PRLR: variants seen among roughly 807,000 people sequenced by gnomAD.
PRLR encodes hPRL receptor.
In PRLR, 13 loss-of-function variants were observed where a neutral mutation model predicts 40.2. That is an observed-to-expected ratio of 0.32 (90% CI 0.21 to 0.51). The LOEUF (loss-of-function observed/expected upper bound fraction) is 0.51, where lower values mean the gene tolerates loss of function less well. Ranked by LOEUF, PRLR falls within the 20% of genes least tolerant of loss-of-function variation. PRLR has a pLI of 0.97. For missense variants in PRLR, 656 were observed against 747.3 expected (o/e 0.88, Z 1.42); for synonymous variants, 269 against 278.7 (o/e 0.97, Z 0.35).
chr5:35,158,555 T>A (rs1774577253), intron 1 of PRLR, among the ~76,000 whole-genome samples: 1 of 152,120 alleles, frequency 6.6e-6, no homozygotes, highest in African/African-American at 2.4e-5. Flanking sequence ...ATGATTCGAG[T>A]GGGACTGTTA....
At position 35,102,806 on chromosome 5, in the gene PRLR, G is replaced by A. The variant is rs187204531; in HGVS notation, c.-43-13143C>T. On this transcript the variant is annotated intron_variant, in intron 2 of 9. Transcript: ENST00000618457. ...GATCCACCTGCCTCGGCCTCCCAAA[G>A]TGCTGGGATTACAGGCGTGAGCTGC... Among the ~76,000 whole-genome samples the A allele has an allele frequency of 7.2e-4, 110 of 152,250 alleles. No individual in the cohort carries two copies. In the Middle Eastern group the frequency reaches 0.01, roughly 14 times the overall value.
intron 5 of PRLR, among the ~76,000 whole-genome samples, chr5:35,074,516 TATATATATATGAAA>T (rs1769947446): frequency 6.7e-6 from 1 of 148,506 alleles, no homozygotes; most frequent in Admixed American, 6.7e-5. Flanking sequence ...TATATATATA[TATATATATATGAAA>T]TATCCAGACG....
chr5:35,150,114 C>A (rs996298864), intron 1 of PRLR, among the ~76,000 whole-genome samples: 1 of 152,156 alleles, frequency 6.6e-6, no homozygotes, highest in African/African-American at 2.4e-5. Context: ...GAACTCCCAA[C>A]CTCAGGTGAT....
intron 1 of PRLR, among the ~76,000 whole-genome samples, chr5:35,229,796 G>A (rs1776649771): frequency 6.6e-6 from 1 of 152,106 alleles, no homozygotes; most frequent in Non-Finnish European, 1.5e-5. Flanking sequence ...TGATGGGAGA[G>A]TCTCGAGTCC....
intron 7 of PRLR, among the ~76,000 whole-genome samples, chr5:35,069,157 T>A (rs1277568049): frequency 6.6e-6 from 1 of 152,226 alleles, no homozygotes; most frequent in East Asian, 1.9e-4. Context: ...CAAGGTCACA[T>A]GGTCGTTTGC....
intron 5 of PRLR, among the ~76,000 whole-genome samples, chr5:35,077,428 A>G (rs527294808): frequency 6.6e-6 from 1 of 152,338 alleles, no homozygotes; most frequent in East Asian, 1.9e-4. Context: ...AACAGACTTG[A>G]AACCAACAAA....
intron 1 of PRLR, among the ~76,000 whole-genome samples, chr5:35,132,041 A>G (rs1010581298): frequency 6.6e-6 from 1 of 152,186 alleles, no homozygotes; most frequent in East Asian, 1.9e-4. Context: ...GGAGGTAGTC[A>G]TAGTACCTCA....
chr5:35,220,535 T>C (rs2111672140), intron 1 of PRLR, among the ~76,000 whole-genome samples: 1 of 152,352 alleles, frequency 6.6e-6, no homozygotes, highest in East Asian at 1.9e-4. Context: ...TAGTACTGAC[T>C]AATTTATTGG....
At chr5:35,121,431 A>C (rs1042166472) in intron 1 of PRLR, among the ~76,000 whole-genome samples, 2 of 152,188 alleles carry the variant, frequency 1.3e-5, no homozygotes, top group Admixed American at 1.3e-4. Context: ...TAGTGCTTTA[A>C]ATATGGTGGG....
At chr5:35,122,414 C>A (rs1261603148) in intron 1 of PRLR, among the ~76,000 whole-genome samples, 1 of 152,152 alleles carries the variant, frequency 6.6e-6, no homozygotes, top group Non-Finnish European at 1.5e-5. Flanking sequence ...CTGATAGGCC[C>A]CAATATGTGT....
chr5:35,142,695 G>A (rs767429146), intron 1 of PRLR, among the ~76,000 whole-genome samples: 8 of 152,204 alleles, frequency 5.3e-5, no homozygotes, highest in Non-Finnish European at 7.3e-5. Context: ...GATGGTGCAC[G>A]ATGCTTCTTC....
intron 2 of PRLR, among the ~76,000 whole-genome samples, chr5:35,090,352 G>C (rs1771120470): frequency 6.6e-6 from 1 of 152,066 alleles, no homozygotes; most frequent in Non-Finnish European, 1.5e-5. Context: ...TGCAGGGGTT[G>C]GGAGTTTGGA....
chr5:35,185,378 T>C (rs1344267712), intron 1 of PRLR, among the ~76,000 whole-genome samples: 1 of 152,060 alleles, frequency 6.6e-6, no homozygotes, highest in African/African-American at 2.4e-5. Flanking sequence ...ATGCTTTTAT[T>C]CTCCCCAAAC....
At chr5:35,151,721 A>G (rs1056567202) in intron 1 of PRLR, among the ~76,000 whole-genome samples, 36 of 152,230 alleles carry the variant, frequency 2.4e-4, no homozygotes, top group Non-Finnish European at 5.9e-5. Context: ...AAGAGCCCCA[A>G]CTAATCTGAG....
chr5:35,165,469 A>C (rs1774795947), intron 1 of PRLR, among the ~76,000 whole-genome samples: 1 of 152,198 alleles, frequency 6.6e-6, no homozygotes, highest in South Asian at 2.1e-4. Flanking sequence ...TCTTTTACAC[A>C]AAGGTTCTTT....
chr5:35,107,480 C>G (rs897959747), intron 2 of PRLR, among the ~76,000 whole-genome samples: 5 of 151,342 alleles, frequency 3.3e-5, no homozygotes, highest in African/African-American at 7.3e-5. Flanking sequence ...AGACCACTAG[C>G]AAGACTAATA....
rs555647216 is a variant in PRLR at position 35,185,748 on chromosome 5, G to A, written c.-106+44520C>T. ...ACAGGTGGAGGCCTACTAGGAAATA[G>A]AGCAGGTTTCACCAGCCTTGACTAG... On this transcript the variant is annotated intron_variant, in intron 1 of 9. Transcript: ENST00000618457. Among the ~76,000 whole-genome samples, 64 of 152,330 alleles carry A rather than the reference G, an allele frequency of 4.2e-4. 2 individuals are homozygous for A. Among genetic ancestry groups the A allele is most frequent in the African/African-American group, 1.4e-3 (60 of 41,578 alleles).
At chr5:35,123,364 C>A (rs996377415) in intron 1 of PRLR, among the ~76,000 whole-genome samples, 3 of 152,178 alleles carry the variant, frequency 2.0e-5, no homozygotes, top group African/African-American at 7.2e-5. Context: ...GAGAACCAAG[C>A]TTCTTAATAG....
At chr5:35,076,677 T>C (rs1770119965) in intron 5 of PRLR, among the ~76,000 whole-genome samples, 1 of 152,086 alleles carries the variant, frequency 6.6e-6, no homozygotes, top group Non-Finnish European at 1.5e-5. Flanking sequence ...AACATTCAAA[T>C]TCAGGAAATA....
Sources: allele counts gnomAD v4.1 joint callset (sites outside exome capture counted in the v4.1 genomes callset), GRCh38; gene constraint gnomAD v4.1.1; transcripts MANE v1.5; gene names NCBI Gene and HGNC (gene_info 2026-07-23, HGNC 2026-07-21).